Variants in CNTN4 observed in about 807,000 individuals in gnomAD.
CNTN4 encodes the protein contactin-4.
Under a neutral mutation model 122.5 loss-of-function variants are expected in CNTN4, and 77 were observed. The ratio of observed to expected loss-of-function variants is 0.63; its 90% CI spans 0.52 to 0.76. The LOEUF is 0.76. Among genes scored for constraint, CNTN4 ranks in the 30% least tolerant of loss-of-function variants. The probability of loss-of-function intolerance (pLI) is 0.00; values close to 1 mark genes in which losing one functional copy is unlikely to be tolerated. For synonymous variants in CNTN4, 512 were observed against 447.0 expected (o/e 1.15, Z -1.83); for missense variants, 1,256 against 1,259.1 (o/e 1.00, Z 0.04).
chr3:2,541,413 TAAGTC>T (rs958560176), intron 3 of CNTN4, among the ~76,000 whole-genome samples: 2 of 152,118 alleles, frequency 1.3e-5, no homozygotes, highest in African/African-American at 4.8e-5. Flanking sequence ...ATTTTGCAAA[TAAGTC>T]AAGAGAAAAA....
intron 6 of CNTN4, among the ~76,000 whole-genome samples, chr3:2,817,282 A>T (rs528690763): frequency 6.6e-6 from 1 of 152,358 alleles, no homozygotes; most frequent in Non-Finnish European, 1.5e-5. Flanking sequence ...CGTTACATTT[A>T]TGAGAAAATT....
At chr3:2,923,837 C>T (rs907110915) in intron 12 of CNTN4, among the ~76,000 whole-genome samples, 1 of 152,050 alleles carries the variant, frequency 6.6e-6, no homozygotes, top group African/African-American at 2.4e-5. Context: ...GTAGTGTTCT[C>T]GTTACATAAA....
intron 2 of CNTN4, among the ~76,000 whole-genome samples, chr3:2,261,361 A>G (rs2149751214): frequency 6.6e-6 from 1 of 152,322 alleles, no homozygotes; most frequent in South Asian, 2.1e-4. Context: ...CCCATGAGGC[A>G]TCCTTGTCTT....
Position 2,549,603 on chromosome 3 carries a change from G to T in CNTN4, c.-88-21813G>T, listed in dbSNP as rs139220829. Among the ~76,000 whole-genome samples the T allele has an allele frequency of 2.0e-5, 3 of 152,220 alleles. No homozygotes were observed. In the East Asian group the frequency reaches 5.8e-4, roughly 29 times the overall value. ...ATGTACTGCTGAATTCCTTTTGCCAGTATTTTATTGAGGATTTTCACATCG... is the reference window on the plus strand; with the variant it reads ...ATGTACTGCTGAATTCCTTTTGCCATTATTTTATTGAGGATTTTCACATCG... On this transcript the variant is annotated intron_variant, in intron 3 of 24. Transcript: ENST00000418658.
chr3:2,436,032 T>C (rs770335796), intron 3 of CNTN4, among the ~76,000 whole-genome samples: 17 of 152,202 alleles, frequency 1.1e-4, no homozygotes, highest in Admixed American at 2.0e-4. Flanking sequence ...TAAATGTCTG[T>C]TGAGTGAAGT....
intron 17 of CNTN4, among the ~76,000 whole-genome samples, chr3:3,036,784 G>GA (rs11317775): frequency 1.7e-3 from 238 of 141,716 alleles, no homozygotes; most frequent in Non-Finnish European, 2.5e-3. Context: ...CTCAAAAAAA[G>GA]AAAAAAAAAA....
intron 2 of CNTN4, among the ~76,000 whole-genome samples, chr3:2,183,466 G>T (rs1454996603): frequency 6.6e-6 from 1 of 151,208 alleles, no homozygotes; most frequent in Admixed American, 6.6e-5. Flanking sequence ...TCTTTTTTTG[G>T]GGCTCATTTT....
chr3:3,034,725 C>G lies in CNTN4; in HGVS notation c.1877C>G (p.Pro626Arg), dbSNP rs1157809059. The change falls in exon 17 of 25, where the codon CCC (proline) becomes CGC (arginine). Residue 626 changes from proline to arginine, a missense_variant. By Grantham distance (103) the Pro-to-Arg change is moderately radical. Coordinates refer to ENST00000418658, the MANE Select transcript of CNTN4 (RefSeq NM_175607.3). ...SWRPGPDNHSPITMYVIQART... is the reference protein window; with the variant it reads ...SWRPGPDNHSRITMYVIQART... ...AGACCCGGGCCTGACAACCACAGCC[C>G]CATCACCATGTATGTCATTCAAGCC... The G allele has an allele frequency of 6.2e-7, 1 of 1,614,052 alleles. No individual in the cohort carries two copies. The highest frequency in any genetic ancestry group is 1.1e-5 in the South Asian group (1 of 91,068).
chr3:2,858,429 A>T (rs961695608), intron 7 of CNTN4, among the ~76,000 whole-genome samples: 1 of 152,238 alleles, frequency 6.6e-6, no homozygotes, highest in South Asian at 2.1e-4. Context: ...TGTTTCAAGA[A>T]AAGCCCAATA....
Position 2,385,048 on chromosome 3 carries a change from C to T in CNTN4, c.-89+45815C>T, listed in dbSNP as rs766290484. Among the ~76,000 whole-genome samples, 6 of 152,092 alleles carry T rather than the reference C, an allele frequency of 3.9e-5. No homozygotes were observed. The highest frequency in any genetic ancestry group is 8.8e-5 in the Non-Finnish European group (6 of 68,018). Reference sequence around the variant, plus strand: ...TCTCTTGCTTCGCCTCTTACTCTTCCTTCCTAACTGGTCTATTCTGGTATT... The same window carrying T: ...TCTCTTGCTTCGCCTCTTACTCTTCTTTCCTAACTGGTCTATTCTGGTATT... On this transcript the variant is annotated intron_variant, in intron 3 of 24. Coordinates refer to ENST00000418658, the MANE Select transcript of CNTN4 (RefSeq NM_175607.3). This position sits in a 1 kb window ranked among gnomAD's most constrained non-coding sequence, Gnocchi z 4.0.
intron 16 of CNTN4, among the ~76,000 whole-genome samples, chr3:3,031,264 C>A (rs1300363389): frequency 1.3e-5 from 2 of 152,084 alleles, no homozygotes; most frequent in African/African-American, 2.4e-5. Flanking sequence ...CCTTCTAGAA[C>A]AAATTTAGGT....
intron 6 of CNTN4, among the ~76,000 whole-genome samples, chr3:2,762,206 A>G (rs1384120377): frequency 1.3e-5 from 2 of 152,296 alleles, no homozygotes; most frequent in Non-Finnish European, 1.5e-5. Flanking sequence ...GTGTTTGTAT[A>G]TAAGGTAATT....
At chr3:2,789,141 T>A (rs777521123) in intron 6 of CNTN4, among the ~76,000 whole-genome samples, 11 of 152,154 alleles carry the variant, frequency 7.2e-5, no homozygotes, top group Non-Finnish European at 1.6e-4. Context: ...GCCTGACCAT[T>A]CAAAATAAGC....
chr3:2,237,741 G>C (rs973690404), intron 2 of CNTN4, among the ~76,000 whole-genome samples: 1 of 152,134 alleles, frequency 6.6e-6, no homozygotes, highest in Admixed American at 6.5e-5. Context: ...TTTTCATTTA[G>C]TTTGTAAGGA....
At chr3:2,374,471 A>C (rs2045746893) in intron 3 of CNTN4, among the ~76,000 whole-genome samples, 1 of 152,214 alleles carries the variant, frequency 6.6e-6, no homozygotes, top group African/African-American at 2.4e-5. Context: ...TTGCTTGAGT[A>C]TGATCTGTAA....
At chr3:2,772,846 C>CT (rs2091162153) in intron 6 of CNTN4, among the ~76,000 whole-genome samples, 2 of 152,128 alleles carry the variant, frequency 1.3e-5, no homozygotes, top group Non-Finnish European at 2.9e-5. Context: ...TTGGTGAAAA[C>CT]TAGTGTTTGA....
intron 3 of CNTN4, among the ~76,000 whole-genome samples, chr3:2,441,622 C>T (rs2048442864): frequency 6.6e-6 from 1 of 152,146 alleles, no homozygotes; most frequent in Non-Finnish European, 1.5e-5. Flanking sequence ...TCGACTGTGG[C>T]ATTCAAACAT....
At chr3:2,279,645 G>A (rs1055644817) in intron 2 of CNTN4, among the ~76,000 whole-genome samples, 1 of 151,996 alleles carries the variant, frequency 6.6e-6, no homozygotes, top group Non-Finnish European at 1.5e-5. Context: ...AGATGAAAAG[G>A]CATTTTTGAC....
chr3:2,645,691 A>C (rs1253065406), intron 4 of CNTN4, among the ~76,000 whole-genome samples: 1 of 152,192 alleles, frequency 6.6e-6, no homozygotes, highest in Non-Finnish European at 1.5e-5. Flanking sequence ...GGAATATGTG[A>C]AAGATTTTAC....
Sources: allele counts gnomAD v4.1 joint callset (sites outside exome capture counted in the v4.1 genomes callset), GRCh38; gene constraint gnomAD v4.1.1; non-coding constraint Gnocchi (gnomAD v3.1); transcripts MANE v1.5; gene names NCBI Gene and HGNC (gene_info 2026-07-23, HGNC 2026-07-21).